Variants in ZBTB43 observed in about 807,000 individuals in gnomAD.
ZBTB43 encodes zinc finger and BTB domain containing 43, also known as zinc finger and BTB domain-containing protein 43.
ZBTB43 carries 6 observed loss-of-function variants against 31.1 expected under a neutral mutation model. The ratio of observed to expected loss-of-function variants is 0.19; its 90% CI spans 0.11 to 0.38. The LOEUF (loss-of-function observed/expected upper bound fraction) is 0.38. Among genes scored for constraint, ZBTB43 ranks in the 10% least tolerant of loss-of-function variants. ZBTB43 has a pLI of 1.00. For synonymous variants in ZBTB43, 212 were observed against 221.7 expected (o/e 0.96, Z 0.39); for missense variants, 379 against 602.1 (o/e 0.63, Z 3.88).
chr9:126,826,557 G>A lies in ZBTB43; in HGVS notation c.-23-5930G>A, dbSNP rs542183931. 2.5e-3 allele frequency among the ~76,000 whole-genome samples: 329 copies of A among 130,510 alleles called. 1 individual carries two copies. Among genetic ancestry groups the A allele is most frequent in the Non-Finnish European group, 4.4e-3 (280 of 63,534 alleles). 85.6% of individuals were successfully genotyped at this position (130,510 alleles called of 152,430 possible). ...CAGCTCACTGCAAGCTCCACCTCCC[G>A]GGTTCACGCCATTCTCCCACATCAG... On this transcript the variant is annotated intron_variant, in intron 2 of 2. Coordinates refer to ENST00000373464, the MANE Select transcript of ZBTB43 (RefSeq NM_014007.4).
chr9:126,823,686 C>T (rs1200543870), intron 2 of ZBTB43, among the ~76,000 whole-genome samples: 1 of 152,178 alleles, frequency 6.6e-6, no homozygotes, highest in Non-Finnish European at 1.5e-5. Context: ...TTGCCCCCAT[C>T]CTACTTTTTA....
intron 2 of ZBTB43, among the ~76,000 whole-genome samples, chr9:126,826,253 C>A (rs945946548): frequency 4.6e-5 from 7 of 150,710 alleles, no homozygotes; most frequent in African/African-American, 1.7e-4. Flanking sequence ...CTCAGGTGAT[C>A]CACCCATCTC....
chr9:126,817,711 C>T (rs1156791780), intron 2 of ZBTB43, among the ~76,000 whole-genome samples: 5 of 150,228 alleles, frequency 3.3e-5, no homozygotes, highest in East Asian at 2.0e-4. Flanking sequence ...CTCCTGATCT[C>T]GTGATCCACC....
At chr9:126,819,398 G>A (rs1188771717) in intron 2 of ZBTB43, among the ~76,000 whole-genome samples, 1 of 147,416 alleles carries the variant, frequency 6.8e-6, no homozygotes, top group African/African-American at 2.5e-5. Flanking sequence ...GTCATATTTT[G>A]GCAGTTCTTG....
chr9:126,814,179 A>G (rs1371584965), intron 2 of ZBTB43, among the ~76,000 whole-genome samples: 1 of 147,892 alleles, frequency 6.8e-6, no homozygotes, highest in Non-Finnish European at 1.5e-5. Flanking sequence ...TTATTTTCTA[A>G]CATTGTACTC....
chr9:126,813,194 G>A (rs910333851), intron 2 of ZBTB43, among the ~76,000 whole-genome samples: 3 of 151,892 alleles, frequency 2.0e-5, no homozygotes, highest in Non-Finnish European at 4.4e-5. Context: ...TGGCCAGGCC[G>A]GTCTGGAACT....
Position 126,833,231 on chromosome 9 carries a change from A to G in ZBTB43, c.722A>G (p.Lys241Arg), listed in dbSNP as rs1331573609. ...MYSKPSIMAH[K>R]RWIHVKPERL... ...AGCAAGCCCAGCATCATGGCTCACA[A>G]ACGCTGGATCCACGTGAAGCCCGAG... The change falls in exon 3 of 3, where the codon AAA becomes AGA. Residue 241 changes from lysine to arginine, a missense_variant. Physicochemically the swap from Lys to Arg is conservative, Grantham distance 26. Around this residue, in one of 5 missense-constraint regions of ZBTB43, gnomAD observed 253 missense variants for 322.3 expected, o/e 0.79. Transcript: ENST00000373464. This position sits in a 1 kb window ranked among gnomAD's most constrained non-coding sequence, Gnocchi z 7.9. The G allele has an allele frequency of 1.2e-6, 2 of 1,613,724 alleles. No homozygotes were observed. Among genetic ancestry groups the G allele is most frequent in the Non-Finnish European group, 1.7e-6 (2 of 1,180,006 alleles).
chr9:126,827,918 C>T (rs1014947222), intron 2 of ZBTB43, among the ~76,000 whole-genome samples: 2 of 152,006 alleles, frequency 1.3e-5, no homozygotes, highest in Non-Finnish European at 2.9e-5. Context: ...GAGGCTGAGG[C>T]AGGAGAATCA....
At chr9:126,804,368 G>C (rs146053854), upstream of ZBTB43, among the ~76,000 whole-genome samples, 98 of 152,328 alleles carry the variant, frequency 6.4e-4, no homozygotes, top group South Asian at 7.0e-3. Context: ...AGCGAGATGG[G>C]TGCTGTGAAG....
At chr9:126,814,660 G>A (rs750187280) in intron 2 of ZBTB43, among the ~76,000 whole-genome samples, 21 of 152,232 alleles carry the variant, frequency 1.4e-4, no homozygotes, top group African/African-American at 4.8e-4. Context: ...GGGCATGGTG[G>A]TGGATGCCCG....
chr9:126,824,800 C>T (rs952007294), intron 2 of ZBTB43, among the ~76,000 whole-genome samples: 12 of 151,476 alleles, frequency 7.9e-5, no homozygotes, highest in African/African-American at 2.9e-4. Flanking sequence ...AGATTCAAAT[C>T]TTTTATCAGT....
intron 2 of ZBTB43, among the ~76,000 whole-genome samples, chr9:126,818,199 T>G (rs1261888083): frequency 1.3e-5 from 2 of 150,710 alleles, no homozygotes; most frequent in African/African-American, 4.9e-5. Flanking sequence ...CACAGCTCAC[T>G]TTAGCCTAAA....
rs1428713469 is a variant in ZBTB43 at position 126,834,581 on chromosome 9, G to A, written c.*668G>A. 1 of 167,026 alleles carries A rather than the reference G, an allele frequency of 6.0e-6. No homozygotes were observed. Among genetic ancestry groups the A allele is most frequent in the Non-Finnish European group, 1.5e-5 (1 of 68,128 alleles). 10.3% of individuals were successfully genotyped at this position (167,026 alleles called of 1,614,324 possible). ...TAAGATGCCACTACTGTCACAAGGT[G>A]TTTCAGACTCTTGATAAGGCAGTGT... On this transcript the variant is annotated 3_prime_UTR_variant, in exon 3 of 3. Coordinates refer to ENST00000373464, the MANE Select transcript of ZBTB43 (RefSeq NM_014007.4).
Position 126,836,009 on chromosome 9 carries a change from C to T in ZBTB43, c.*2096C>T, listed in dbSNP as rs2032871743. On this transcript the variant is annotated 3_prime_UTR_variant, in exon 3 of 3. Transcript: ENST00000373464. ...ACTAAGGTGGTGATGCCATTTTGTTCTGCCAAAAACTGATCACCCTCTCCC... is the reference window on the plus strand; with the variant it reads ...ACTAAGGTGGTGATGCCATTTTGTTTTGCCAAAAACTGATCACCCTCTCCC... 1 of 167,060 alleles carries T rather than the reference C, an allele frequency of 6.0e-6. No homozygotes were observed. Among genetic ancestry groups the T allele is most frequent in the African/African-American group, 2.4e-5 (1 of 41,436 alleles). 10.3% of individuals were successfully genotyped at this position (167,060 alleles called of 1,614,324 possible). A position where few individuals can be genotyped will look rare whatever the true frequency, so the allele number is the denominator to read the frequency against.
intron 2 of ZBTB43, among the ~76,000 whole-genome samples, chr9:126,830,740 T>G (rs1412967210): frequency 7.2e-6 from 1 of 139,784 alleles, no homozygotes; most frequent in Non-Finnish European, 1.5e-5. Context: ...TTTGGGTGGT[T>G]TTTTTTTTTT....
At chr9:126,816,685 A>G (rs1387439613) in intron 2 of ZBTB43, among the ~76,000 whole-genome samples, 1 of 152,176 alleles carries the variant, frequency 6.6e-6, no homozygotes, top group Non-Finnish European at 1.5e-5. Context: ...GCTGAACCAC[A>G]TTGACATCTG....
At chr9:126,819,216 G>A (rs2032457545) in intron 2 of ZBTB43, among the ~76,000 whole-genome samples, 1 of 149,648 alleles carries the variant, frequency 6.7e-6, no homozygotes, top group African/African-American at 2.5e-5. Flanking sequence ...AATGTACTGT[G>A]TGCACTTGGT....
intron 1 of ZBTB43, among the ~76,000 whole-genome samples, chr9:126,806,040 A>AT: frequency 6.6e-6 from 1 of 152,298 alleles, no homozygotes; most frequent in Admixed American, 6.5e-5. Context: ...CAGGAGGCCC[A>AT]TTTTAGGGCC....
chr9:126,805,863 G>C (rs2032115385), intron 1 of ZBTB43, among the ~76,000 whole-genome samples: 1 of 151,984 alleles, frequency 6.6e-6, no homozygotes, highest in Non-Finnish European at 1.5e-5. Flanking sequence ...TCCTGAGTTT[G>C]GGTGGGGCAG....
Sources: allele counts gnomAD v4.1 joint callset (sites outside exome capture counted in the v4.1 genomes callset), GRCh38; gene constraint gnomAD v4.1.1; regional missense constraint gnomAD v4.1.1; non-coding constraint Gnocchi (gnomAD v3.1); transcripts MANE v1.5; gene names NCBI Gene and HGNC (gene_info 2026-07-23, HGNC 2026-07-21).